FRAS1: variants seen among roughly 807,000 people sequenced by gnomAD.
FRAS1 encodes the protein extracellular matrix organizing protein FRAS1.
A neutral mutation model predicts 435.2 loss-of-function variants in FRAS1; 290 were observed. The observed-to-expected ratio is 0.67, with a 90% CI of 0.61 to 0.73. FRAS1 has a LOEUF of 0.73. Ranked by LOEUF, FRAS1 falls within the 30% of genes least tolerant of loss-of-function variation. The pLI is 0.00. For synonymous variants in FRAS1, 1,800 were observed against 1,851.0 expected (o/e 0.97, Z 0.71); for missense variants, 4,860 against 5,001.5 (o/e 0.97, Z 0.85).
chr4:78,503,499 A>AT (rs1371389251), intron 61 of FRAS1, among the ~76,000 whole-genome samples: 1 of 152,164 alleles, frequency 6.6e-6, no homozygotes, highest in Admixed American at 6.5e-5. Flanking sequence ...GTTTATTTGC[A>AT]TAGAGGTGTT....
intron 9 of FRAS1, among the ~76,000 whole-genome samples, chr4:78,274,755 AGGTGTGG>A (rs1726907416): frequency 6.6e-6 from 1 of 152,166 alleles, no homozygotes; most frequent in African/African-American, 2.4e-5. Context: ...ATTTTGGAAT[AGGTGTGG>A]TGTGGTGCTG....
intron 2 of FRAS1, among the ~76,000 whole-genome samples, chr4:78,173,692 G>A (rs1350361245): frequency 6.6e-6 from 1 of 152,156 alleles, no homozygotes; most frequent in Non-Finnish European, 1.5e-5. Flanking sequence ...CTTTCTATAA[G>A]GTGCATAAAG....
intron 2 of FRAS1, among the ~76,000 whole-genome samples, chr4:78,148,907 A>C (rs1720523143): frequency 6.6e-6 from 1 of 152,232 alleles, no homozygotes; most frequent in Non-Finnish European, 1.5e-5. Context: ...TGTCTTATCA[A>C]GTGAAAATGA....
At chr4:78,312,859 AAGAGAG>A (rs61199249) in intron 15 of FRAS1, among the ~76,000 whole-genome samples, 4 of 121,718 alleles carry the variant, frequency 3.3e-5, no homozygotes, top group Non-Finnish European at 6.7e-5. Flanking sequence ...GAAAGAAAGA[AAGAGAG>A]AGAGAGAGAG....
chr4:78,474,256 A>T (rs1719797598), intron 53 of FRAS1, among the ~76,000 whole-genome samples: 1 of 152,214 alleles, frequency 6.6e-6, no homozygotes, highest in Non-Finnish European at 1.5e-5. Context: ...AAACAGAGAG[A>T]TACTGATTGT....
intron 59 of FRAS1, among the ~76,000 whole-genome samples, chr4:78,494,136 T>C (rs1720444708): frequency 6.6e-6 from 1 of 152,248 alleles, no homozygotes; most frequent in African/African-American, 2.4e-5. Context: ...TGTTGTTTTA[T>C]GTATACAGTT....
chr4:78,200,136 G>T (rs950501837), intron 2 of FRAS1, among the ~76,000 whole-genome samples: 2 of 152,172 alleles, frequency 1.3e-5, no homozygotes, highest in African/African-American at 4.8e-5. Flanking sequence ...TCTAATGGCT[G>T]GAGTCATGTG....
intron 2 of FRAS1, among the ~76,000 whole-genome samples, chr4:78,109,120 C>G (rs1742553048): frequency 1.5e-5 from 1 of 67,036 alleles, no homozygotes; most frequent in South Asian, 5.5e-4. Flanking sequence ...GTTTACCAAC[C>G]AAAAAGAGTC....
intron 2 of FRAS1, among the ~76,000 whole-genome samples, chr4:78,229,769 A>G (rs1275228496): frequency 6.6e-6 from 1 of 152,040 alleles, no homozygotes; most frequent in Non-Finnish European, 1.5e-5. Context: ...TTAGCTCCTA[A>G]TAGCTGAGCT....
chr4:78,290,161 G>A (rs912007057), intron 14 of FRAS1, among the ~76,000 whole-genome samples: 1 of 152,108 alleles, frequency 6.6e-6, no homozygotes, highest in African/African-American at 2.4e-5. Flanking sequence ...GTTAAAATGA[G>A]TAATTTTAAC....
rs776266395 is a variant in FRAS1, at chr4:78,456,806, G to A, written c.6763+4452G>A. ...AATTGTTCTGTCTAAAAGGCCAGTT[G>A]TGGATTAGTGAGAAATAGTAGGCTG... On this transcript the variant is annotated intron_variant, in intron 47 of 73. Transcript: ENST00000512123. 4.6e-5 allele frequency among the ~76,000 whole-genome samples: 7 copies of A among 152,316 alleles called. No individual in the cohort carries two copies. In the South Asian group the frequency reaches 1.2e-3, roughly 27 times the overall value.
chr4:78,346,250 G>C (rs1730601376), intron 20 of FRAS1, among the ~76,000 whole-genome samples: 1 of 152,066 alleles, frequency 6.6e-6, no homozygotes, highest in East Asian at 1.9e-4. Context: ...ATTCTGATTG[G>C]GCCCACTAAT....
intron 3 of FRAS1, among the ~76,000 whole-genome samples, chr4:78,241,085 G>A (rs1015154508): frequency 6.6e-6 from 1 of 152,114 alleles, no homozygotes; most frequent in African/African-American, 2.4e-5. Context: ...CATAAGGAGT[G>A]AATGGAAAGT....
At chr4:78,462,611 G>A (rs1719404479) in intron 47 of FRAS1, among the ~76,000 whole-genome samples, 1 of 152,142 alleles carries the variant, frequency 6.6e-6, no homozygotes, top group South Asian at 2.1e-4. Flanking sequence ...CTGTGAGAGT[G>A]GATTCACAGC....
chr4:78,400,959 C>A (rs1732869788), intron 30 of FRAS1, 72 bp downstream of exon 30: 2 of 1,412,968 alleles, frequency 1.4e-6, no homozygotes, highest in African/African-American at 2.9e-5. Flanking sequence ...TGTATAGTGC[C>A]ATGTGGCAAG....
At chr4:78,436,938 A>C (rs1427642341) in intron 38 of FRAS1, among the ~76,000 whole-genome samples, 1 of 152,178 alleles carries the variant, frequency 6.6e-6, no homozygotes, top group South Asian at 2.1e-4. Context: ...ATGTAAAAAT[A>C]ATGAAAAGAA....
chr4:78,237,898 A>C (rs543700940), intron 3 of FRAS1, among the ~76,000 whole-genome samples: 8 of 152,306 alleles, frequency 5.3e-5, no homozygotes, highest in African/African-American at 1.9e-4. Flanking sequence ...ATTTAATATT[A>C]TGTGGGTTAG....
chr4:78,115,486 A>C (rs1001541544), intron 2 of FRAS1, among the ~76,000 whole-genome samples: 10 of 151,992 alleles, frequency 6.6e-5, no homozygotes, highest in African/African-American at 2.4e-4. Context: ...GTAAGCTATT[A>C]ATTATTGCCT....
rs1216744737 is a variant in FRAS1 at position 78,522,665 on chromosome 4, G to A, written c.10665G>A (p.Glu3555=). 2.5e-6 allele frequency: 4 copies of A among 1,604,672 alleles called. No homozygotes were observed. Among genetic ancestry groups the A allele is most frequent in the African/African-American group, 1.3e-5 (1 of 74,806 alleles). The change falls in exon 69 of 74, where the codon GAG becomes GAA. Residue 3555 remains glutamate, a synonymous_variant. Coordinates refer to ENST00000512123, the MANE Select transcript of FRAS1 (RefSeq NM_025074.7). ...TTCAAATAGGACAGTTTGTGATGGA[G>A]CATCACACTCTCCCAGAAGTGAAAT... is the stretch of plus-strand genomic sequence containing the variant. ...HAKFRGQFVM[E]HHTLPEVKSF...
Sources: gnomAD v4.1 joint callset for allele counts (sites outside exome capture counted in the v4.1 genomes callset) on GRCh38, gnomAD v4.1.1 for gene constraint, MANE v1.5 for transcripts, NCBI Gene and HGNC (gene_info 2026-07-23, HGNC 2026-07-21) for gene names.